Variants in ELFN1 observed in about 807,000 individuals in gnomAD.
The protein encoded by ELFN1 is protein ELFN1.
In ELFN1, 6 loss-of-function variants were observed where a neutral mutation model predicts 7.6. That is an observed-to-expected ratio of 0.79 (90% CI 0.43 to 1.56). The LOEUF is 1.56. Ranked by LOEUF, ELFN1 falls within the 40% of genes most tolerant of loss-of-function variation. ELFN1 has a pLI of 0.01. For synonymous variants in ELFN1, 657 were observed against 588.1 expected (o/e 1.12, Z -1.70); for missense variants, 1,169 against 1,232.2 (o/e 0.95, Z 0.77).
chr7:1,725,736 C>T (rs894429652), intron 3 of ELFN1, among the ~76,000 whole-genome samples: 12 of 152,108 alleles, frequency 7.9e-5, no homozygotes, highest in South Asian at 2.1e-4. Context: ...AAGGGTGGGG[C>T]GGGGCAAGTG....
At chr7:1,737,507 T>C (rs1780482713) in intron 3 of ELFN1, among the ~76,000 whole-genome samples, 2 of 152,278 alleles carry the variant, frequency 1.3e-5, no homozygotes, top group South Asian at 2.1e-4. Flanking sequence ...GCGAAGCCAC[T>C]CGCCCTCCAC....
chr7:1,728,895 G>T (rs1431885619), intron 3 of ELFN1, among the ~76,000 whole-genome samples: 1 of 151,990 alleles, frequency 6.6e-6, no homozygotes, highest in Non-Finnish European at 1.5e-5. Flanking sequence ...CTGTCGTGAT[G>T]GTCCTGTTCA....
rs1447015970 is a variant in ELFN1 at position 1,735,563 on chromosome 7, G to T, written c.-293-8741G>T. 1.3e-5 allele frequency among the ~76,000 whole-genome samples: 2 copies of T among 152,028 alleles called. No homozygotes were observed. The highest frequency in any genetic ancestry group is 2.9e-5 in the Non-Finnish European group (2 of 67,964). On this transcript the variant is annotated intron_variant, in intron 3 of 3. Transcript: ENST00000424383. The surrounding 1 kb of genome is among the most constrained non-coding windows in gnomAD (Gnocchi z 5.9). ...CTGGCCTTGCCTGCAACCCCCGCCAGCCTCCCCTGGACAATAGGATGGGAG... is the reference window on the plus strand; with the variant it reads ...CTGGCCTTGCCTGCAACCCCCGCCATCCTCCCCTGGACAATAGGATGGGAG...
chr7:1,688,253 A>G (rs558660103), intron 2 of ELFN1, 103 bp downstream of exon 2: 2 of 152,078 alleles, frequency 1.3e-5, no homozygotes, highest in Non-Finnish European at 2.9e-5. Context: ...TTTTGATTAC[A>G]TATGTTGAAA....
chr7:1,741,703 T>G (rs1277999113), intron 3 of ELFN1, among the ~76,000 whole-genome samples: 1 of 152,166 alleles, frequency 6.6e-6, no homozygotes, highest in Non-Finnish European at 1.5e-5. Flanking sequence ...GCGTGTTTCC[T>G]GCATGCATGC....
At chr7:1,668,421 G>T (rs953650920), upstream of ELFN1, among the ~76,000 whole-genome samples, 3 of 152,258 alleles carry the variant, frequency 2.0e-5, no homozygotes, top group Non-Finnish European at 2.9e-5. Flanking sequence ...CACAGGCCTG[G>T]GGGAACCTGC....
chr7:1,669,567 C>T (rs985857119), upstream of ELFN1, among the ~76,000 whole-genome samples: 1 of 152,234 alleles, frequency 6.6e-6, no homozygotes, highest in Non-Finnish European at 1.5e-5. Flanking sequence ...CTCAGTTTCC[C>T]TTCCTGTAAC....
At chr7:1,667,512 G>T (rs1778688851), upstream of ELFN1, among the ~76,000 whole-genome samples, 1 of 152,124 alleles carries the variant, frequency 6.6e-6, no homozygotes, top group South Asian at 2.1e-4. The surrounding 1 kb of genome is among the most constrained non-coding windows in gnomAD (Gnocchi z 8.2). Flanking sequence ...TCGCCTTCGC[G>T]CGCCTCGAGG....
At chr7:1,670,163 G>T (rs1423463155), upstream of ELFN1, among the ~76,000 whole-genome samples, 1 of 146,032 alleles carries the variant, frequency 6.8e-6, no homozygotes, top group Non-Finnish European at 1.5e-5. This position sits in a 1 kb window ranked among gnomAD's most constrained non-coding sequence, Gnocchi z 6.4. Context: ...AGGAGGGAGG[G>T]AGGGAGGGAA....
chr7:1,735,085 T>A lies in ELFN1; in HGVS notation c.-293-9219T>A, dbSNP rs892426716. Among the ~76,000 whole-genome samples the A allele has an allele frequency of 6.6e-6, 1 of 152,160 alleles. No individual in the cohort carries two copies. Among genetic ancestry groups the A allele is most frequent in the Non-Finnish European group, 1.5e-5 (1 of 68,018 alleles). ...GAGTCTCAACTTCCTGGCTAGACTT[T>A]CCCATGCTGAGCCTCTGTTTCCCCA... On this transcript the variant is annotated intron_variant, in intron 3 of 3. Coordinates refer to ENST00000424383, the MANE Select transcript of ELFN1 (RefSeq NM_001128636.4). The surrounding 1 kb of genome is among the most constrained non-coding windows in gnomAD (Gnocchi z 5.9).
chr7:1,697,343 C>A (rs780608844), intron 2 of ELFN1, among the ~76,000 whole-genome samples: 1 of 152,244 alleles, frequency 6.6e-6, no homozygotes, highest in African/African-American at 2.4e-5. Context: ...GCCCCTGCCC[C>A]CTCCTCCACG....
At chr7:1,690,455 G>C (rs1297941681) in intron 2 of ELFN1, among the ~76,000 whole-genome samples, 4 of 151,878 alleles carry the variant, frequency 2.6e-5, no homozygotes, top group Admixed American at 2.0e-4. Flanking sequence ...AGGATGAATG[G>C]ATGGATGGAT....
chr7:1,744,862 T>A lies in ELFN1; in HGVS notation c.266T>A (p.Leu89His). The A allele has an allele frequency of 6.4e-7, 1 of 1,574,082 alleles. No individual in the cohort carries two copies. Among genetic ancestry groups the A allele is most frequent in the Non-Finnish European group, 8.6e-7 (1 of 1,159,004 alleles). The change falls in exon 4 of 4, where the codon CTC becomes CAC. Residue 89 changes from leucine to histidine, a missense_variant. Physicochemically the swap from Leu to His is moderately conservative, Grantham distance 99. This residue lies in a region of ELFN1 where 255 missense variants were observed against 359.6 expected (regional missense o/e 0.71). Transcript: ENST00000424383. ...SLSRFGNLTYLNLTKNEIGYI... is the reference protein window; with the variant it reads ...SLSRFGNLTYHNLTKNEIGYI... ...AGCCGCTTTGGCAACCTCACGTACC[T>A]CAACCTCACCAAGAACGAGATCGGC...
intron 2 of ELFN1, among the ~76,000 whole-genome samples, chr7:1,702,080 A>C (rs910238109): frequency 2.6e-5 from 4 of 152,022 alleles, no homozygotes; most frequent in Non-Finnish European, 5.9e-5. Flanking sequence ...TCTTATAATA[A>C]TATCTGAGTC....
rs1170331305 is a variant in ELFN1 at position 1,670,929 on chromosome 7, C to CG, written c.-549+582dup. Among the ~76,000 whole-genome samples the CG allele has an allele frequency of 4.2e-5, 6 of 141,358 alleles. No homozygotes were observed. The highest frequency in any genetic ancestry group is 6.9e-5 in the Admixed American group (1 of 14,422). 92.7% of individuals were successfully genotyped at this position (141,358 alleles called of 152,430 possible). ...CCCAGCCCCTGAGTCCAACCACTGG[C>CG]GGGGGGGTGGGGTGGGGGGCTTCGC... On this transcript the variant is annotated intron_variant, in intron 1 of 3. Transcript: ENST00000424383. This position sits in a 1 kb window ranked among gnomAD's most constrained non-coding sequence, Gnocchi z 6.4.
chr7:1,731,479 G>A (rs149856928), intron 3 of ELFN1, among the ~76,000 whole-genome samples: 1 of 152,192 alleles, frequency 6.6e-6, no homozygotes, highest in East Asian at 1.9e-4. Context: ...TAGGAGAAAT[G>A]GTCCCACACA....
chr7:1,692,277 C>G (rs1289634244), intron 2 of ELFN1: 1 of 152,434 alleles, frequency 6.6e-6, no homozygotes, highest in Non-Finnish European at 1.5e-5. Context: ...GCCGGATTGC[C>G]AGAGGGTTCT....
chr7:1,689,083 T>C (rs1779109515), intron 2 of ELFN1, among the ~76,000 whole-genome samples: 1 of 152,250 alleles, frequency 6.6e-6, no homozygotes, highest in Non-Finnish European at 1.5e-5. Flanking sequence ...GCTGTGTAAA[T>C]GGAATCACAC....
intron 3 of ELFN1, among the ~76,000 whole-genome samples, chr7:1,718,484 G>A (rs1779902952): frequency 6.6e-6 from 1 of 152,198 alleles, no homozygotes; most frequent in Non-Finnish European, 1.5e-5. Flanking sequence ...CTGGCCGAAA[G>A]CCTTTCTTGC....
Sources: allele counts gnomAD v4.1 joint callset (sites outside exome capture counted in the v4.1 genomes callset), GRCh38; gene constraint gnomAD v4.1.1; regional missense constraint gnomAD v4.1.1; non-coding constraint Gnocchi (gnomAD v3.1); transcripts MANE v1.5; gene names NCBI Gene and HGNC (gene_info 2026-07-23, HGNC 2026-07-21).